Variants in SLC22A2 observed in about 807,000 individuals in gnomAD.
SLC22A2 encodes the protein solute carrier family 22 member 2.
SLC22A2 carries 46 observed loss-of-function variants against 60.5 expected under a neutral mutation model. That is an observed-to-expected ratio of 0.76 (90% confidence interval 0.60 to 0.97). The LOEUF is 0.97. Among genes scored for constraint, SLC22A2 ranks in the 50% least tolerant of loss-of-function variants. The pLI, the probability that SLC22A2 is intolerant of heterozygous loss-of-function variation, is 0.00. For synonymous variants in SLC22A2, 303 were observed against 267.0 expected, an observed-to-expected ratio of 1.13 and a Z score of -1.31; for missense variants, 701 against 706.6, an observed-to-expected ratio of 0.99 and a Z score of 0.09.
chr6:160,234,399 G>A (rs1006035063), intron 9 of SLC22A2, among the ~76,000 whole-genome samples: 1 of 152,166 alleles, frequency 6.6e-6, no homozygotes, highest in Non-Finnish European at 1.5e-5. Flanking sequence ...CCGACAAGTG[G>A]TCACCTGAAC....
At chr6:160,235,003 A>G (rs757480955) in intron 9 of SLC22A2, among the ~76,000 whole-genome samples, 4 of 152,214 alleles carry the variant, frequency 2.6e-5, no homozygotes, top group Non-Finnish European at 4.4e-5. Context: ...GTCAGGTAAT[A>G]AGATATTTAA....
At position 160,224,727 on chromosome 6, in the gene SLC22A2, C is replaced by T. The variant is rs144834632; in HGVS notation, c.1579G>A (p.Glu527Lys). 2.7e-5 allele frequency: 43 copies of T among 1,605,012 alleles called. No individual in the cohort carries two copies. The highest frequency in any genetic ancestry group is 3.5e-5 in the Non-Finnish European group (41 of 1,175,060). ...TKGKALPETI[E>K]EAENMQRPRK... is the part of the protein sequence containing the mutation. ...TACCTTTGCATATTTTCGGCTTCCT[C>T]GATGGTCTCAGGCAAAGCTTTCCCT... is the stretch of plus-strand genomic sequence containing the variant. The change falls in exon 10 of 11, where the codon GAG (glutamate) becomes AAG (lysine). Residue 527 changes from glutamate to lysine, a missense_variant. Transcript: ENST00000366953.
In SLC22A2 at chr6:160,228,073, T is replaced by C. The variant is rs563902340; in HGVS notation, c.1502-3269A>G. 5.9e-5 allele frequency among the ~76,000 whole-genome samples: 9 copies of C among 152,382 alleles called. No individual in the cohort carries two copies. The South Asian group carries it at 1.9e-3, about 32-fold the overall frequency. On this transcript the variant is annotated intron_variant, in intron 9 of 10. Coordinates refer to ENST00000366953, the MANE Select transcript of SLC22A2 (RefSeq NM_003058.4). ...GCAGCCCTCAGGGCTGCTCTGCCTG[T>C]GGAGTAGCCATTCTTTATTCCTTGA...
chr6:160,249,104 G>A, intron 4 of SLC22A2, 112 bp downstream of exon 4: 3 of 711,268 alleles, frequency 4.2e-6, no homozygotes, highest in Non-Finnish European at 6.8e-6. Context: ...AAATGGGTCT[G>A]GAGAGTGAAA....
Position 160,231,691 on chromosome 6 carries a change from A to G in SLC22A2, c.1502-6887T>C, listed in dbSNP as rs562309715. ...CCACCCCGAGGTGCCAAACCCATAT[A>G]CTCTCCTATCCTTAATACCTCCCTC... On this transcript the variant is annotated intron_variant, in intron 9 of 10. Transcript: ENST00000366953. Among the ~76,000 whole-genome samples the G allele has an allele frequency of 2.0e-5, 3 of 151,640 alleles. No individual in the cohort carries two copies. In the South Asian group the frequency reaches 6.3e-4, roughly 32 times the overall value.
Position 160,247,502 on chromosome 6 carries a change from C to T in SLC22A2, c.843-204G>A, listed in dbSNP as rs573693278. ...GATTTCTAAGCAGAAACACAGGAAG[C>T]AAGCTGCAAAGCAGGGTGCGGCTGA... On this transcript the variant is annotated intron_variant, in intron 4 of 10. Coordinates refer to ENST00000366953, the MANE Select transcript of SLC22A2 (RefSeq NM_003058.4). Among the ~76,000 whole-genome samples the T allele has an allele frequency of 1.5e-3, 230 of 152,328 alleles. 4 individuals are homozygous for T. Among genetic ancestry groups the T allele is most frequent in the African/African-American group, 5.2e-3 (218 of 41,588 alleles).
Position 160,224,703 on chromosome 6 carries a change from A to G in SLC22A2, c.1601+2T>C. 5 of 1,594,940 alleles carry G rather than the reference A, an allele frequency of 3.1e-6. No homozygotes were observed. Among genetic ancestry groups the G allele is most frequent in the Non-Finnish European group, 4.3e-6 (5 of 1,167,476 alleles). ...ATTCATTTAGAACTTTCAACTGCCT[A>G]CCTTTGCATATTTTCGGCTTCCTCG... On this transcript the variant is annotated splice_donor_variant, in intron 10 of 10. Transcript: ENST00000366953. LOFTEE classifies it high-confidence loss of function.
chr6:160,224,914 T>C (rs1782699962), intron 9 of SLC22A2, 110 bp from the exon 10 acceptor site: 1 of 521,760 alleles, frequency 1.9e-6, no homozygotes, highest in South Asian at 4.0e-5. Context: ...TTTCTATACT[T>C]ATTTACAGAT....
intron 9 of SLC22A2, among the ~76,000 whole-genome samples, chr6:160,225,497 C>T (rs1278089503): frequency 6.6e-6 from 1 of 152,132 alleles, no homozygotes; most frequent in Non-Finnish European, 1.5e-5. Context: ...TCTATTTTTA[C>T]ACCCTCAGAA....
chr6:160,230,848 C>T (rs1016608451), intron 9 of SLC22A2, among the ~76,000 whole-genome samples: 3 of 151,956 alleles, frequency 2.0e-5, no homozygotes, highest in Non-Finnish European at 2.9e-5. Context: ...TGTGCAGGAC[C>T]CCACTGGAAA....
chr6:160,217,556 C>A, intron 10 of SLC22A2, 58 bp from the exon 11 acceptor site: 4 of 883,606 alleles, frequency 4.5e-6, no homozygotes, highest in Non-Finnish European at 5.6e-6. Flanking sequence ...GGCTGAAAAC[C>A]AAAATAAAGT....
intron 10 of SLC22A2, among the ~76,000 whole-genome samples, chr6:160,221,056 C>T (rs531816531): frequency 6.6e-5 from 10 of 152,294 alleles, no homozygotes; most frequent in African/African-American, 2.4e-4. Flanking sequence ...TTTTTCCTCG[C>T]TCTTCATGAA....
chr6:160,249,458 G>T, intron 3 of SLC22A2, 74 bp from the exon 4 acceptor site: 1 of 1,101,518 alleles, frequency 9.1e-7, no homozygotes, highest in Non-Finnish European at 1.4e-6. Context: ...CAGGAAACTA[G>T]AACACCAACC....
chr6:160,217,405 T>C lies in SLC22A2; in HGVS notation c.*27A>G, dbSNP rs1216938616. 1 of 1,493,016 alleles carries C rather than the reference T, an allele frequency of 6.7e-7. No individual in the cohort carries two copies. The highest frequency in any genetic ancestry group is 9.3e-7 in the Non-Finnish European group (1 of 1,073,052). The allele number at this position is 1,493,016 out of a possible 1,614,324, so 92.5% of individuals were successfully genotyped here. Reference sequence around the variant, plus strand: ...TGGTCTTGCTGCCATCAAAGCTAGGTCATGACAGCAGCAACGGTCTCTCTT... The same window carrying C: ...TGGTCTTGCTGCCATCAAAGCTAGGCCATGACAGCAGCAACGGTCTCTCTT... On this transcript the variant is annotated 3_prime_UTR_variant, in exon 11 of 11. Transcript: ENST00000366953.
At chr6:160,245,569 G>A (rs781237130) in intron 5 of SLC22A2, 24 bp from the exon 6 acceptor site, 18 of 1,469,016 alleles carry the variant, frequency 1.2e-5, no homozygotes, top group East Asian at 6.8e-5. Flanking sequence ...TAGAAAGGAC[G>A]GCTTTGTATA....
chr6:160,225,773 C>G (rs1241134990), intron 9 of SLC22A2, among the ~76,000 whole-genome samples: 1 of 152,180 alleles, frequency 6.6e-6, no homozygotes. Context: ...ACACTATAGC[C>G]TACTCTTGTG....
intron 5 of SLC22A2, 101 bp from the exon 6 acceptor site, chr6:160,245,646 C>T: frequency 1.7e-6 from 1 of 574,588 alleles, no homozygotes; most frequent in Non-Finnish European, 3.0e-6. Flanking sequence ...GAGCGCCCAT[C>T]TCATGCCCAG....
intron 10 of SLC22A2, among the ~76,000 whole-genome samples, chr6:160,219,531 G>A (rs1166991651): frequency 6.6e-6 from 1 of 151,870 alleles, no homozygotes; most frequent in African/African-American, 2.4e-5. Context: ...TAGCTGCCAG[G>A]ATTGAAACTT....
intron 10 of SLC22A2, among the ~76,000 whole-genome samples, chr6:160,223,895 T>C (rs1229729831): frequency 1.3e-5 from 2 of 151,916 alleles, no homozygotes; most frequent in Admixed American, 6.6e-5. Context: ...ACCCAGATAA[T>C]TTTTTTGTAC....
Sources: gnomAD v4.1 joint callset for allele counts (sites outside exome capture counted in the v4.1 genomes callset) on GRCh38, gnomAD v4.1.1 for gene constraint, MANE v1.5 for transcripts, NCBI Gene and HGNC (gene_info 2026-07-23, HGNC 2026-07-21) for gene names.